UCHL5: variants seen among roughly 807,000 people sequenced by gnomAD.
The protein encoded by UCHL5 is ubiquitin carboxyl-terminal hydrolase isozyme L5.
UCHL5 carries 34 observed loss-of-function variants against 53.8 expected under a neutral mutation model. That is an observed-to-expected ratio of 0.63 (90% CI 0.48 to 0.84). The LOEUF (loss-of-function observed/expected upper bound fraction) is 0.84. Among genes scored for constraint, UCHL5 ranks in the 40% least tolerant of loss-of-function variants. UCHL5 has a pLI of 0.00. For synonymous variants in UCHL5, 111 were observed against 126.3 expected, an observed-to-expected ratio of 0.88 and a Z score of 0.81; for missense variants, 290 against 385.6, an observed-to-expected ratio of 0.75 and a Z score of 2.08.
intron 1 of UCHL5, chr1:193,057,179 G>C (rs922547700): frequency 6.6e-6 from 1 of 152,210 alleles, no homozygotes; most frequent in South Asian, 2.1e-4. Context: ...CTCTTCACTT[G>C]TAAGAGTGTT....
chr1:193,041,130 TAA>T (rs763362574), intron 3 of UCHL5, among the ~76,000 whole-genome samples: 17 of 152,296 alleles, frequency 1.1e-4, no homozygotes, highest in Admixed American at 5.2e-4. Context: ...AAAATAGCTA[TAA>T]GAGGATAATT....
chr1:193,040,713 TTAA>T (rs553041223), intron 3 of UCHL5, among the ~76,000 whole-genome samples: 64 of 152,338 alleles, frequency 4.2e-4, no homozygotes, highest in African/African-American at 1.4e-3. Flanking sequence ...TATGGCACTA[TTAA>T]TAATAGCCAA....
At position 193,021,184 on chromosome 1, in the gene UCHL5, G is replaced by A. The variant is rs1656879829; in HGVS notation, c.855C>T (p.Ile285=). The A allele has an allele frequency of 1.0e-5, 16 of 1,602,208 alleles. No individual in the cohort carries two copies. The highest frequency in any genetic ancestry group is 1.3e-5 in the Non-Finnish European group (15 of 1,171,376). The part of the protein sequence containing the change: ...QKLKRYKIEN[I]RRKHNYLPFI... ...AAGGCAGATAATTATGCTTCCTTCT[G>A]ATATTCTCAATCTGAAAATAAAACA... Residue 285 remains isoleucine, a synonymous_variant, in exon 10 of 11, where the codon ATC becomes ATT. Coordinates refer to ENST00000367454, the MANE Select transcript of UCHL5 (RefSeq NM_001199261.3).
chr1:193,051,684 A>T (rs1011486254), intron 2 of UCHL5, 70 bp downstream of exon 2: 2 of 960,604 alleles, frequency 2.1e-6, no homozygotes, highest in Non-Finnish European at 3.0e-6. Context: ...TAAACAAACA[A>T]ATCTGAATAT....
At chr1:193,054,300 C>T (rs1669984757) in intron 1 of UCHL5, among the ~76,000 whole-genome samples, 1 of 152,182 alleles carries the variant, frequency 6.6e-6, no homozygotes. Context: ...AATTTAACTG[C>T]TAGGTATGCT....
chr1:193,034,450 A>C lies in UCHL5; in HGVS notation c.247-4793T>G, dbSNP rs575761923. On this transcript the variant is annotated intron_variant, in intron 3 of 10. Coordinates refer to ENST00000367454, the MANE Select transcript of UCHL5 (RefSeq NM_001199261.3). Reference sequence around the variant, plus strand: ...CCCTTAACTACTGAAATGAAGCAGTATTTTAAAATATTCTCGCAAAGAAAA... The same window carrying C: ...CCCTTAACTACTGAAATGAAGCAGTCTTTTAAAATATTCTCGCAAAGAAAA... Among the ~76,000 whole-genome samples the C allele has an allele frequency of 2.0e-5, 3 of 152,208 alleles. No homozygotes were observed. The South Asian group carries it at 6.2e-4, about 32-fold the overall frequency.
rs1231874865 is a variant in UCHL5, at chr1:193,028,108, A to G, written c.606T>C (p.Pro202=). Residue 202 remains proline (P), a synonymous_variant, in exon 7 of 11, where the codon CCT becomes CCC. Coordinates refer to ENST00000367454, the MANE Select transcript of UCHL5 (RefSeq NM_001199261.3). ...NQDDWISAVR[P]VIEKRIQKYS... is the part of the protein sequence containing the mutation. ...ACTTTTGTATCCTTTTTTCTATGAC[A>G]GGCCTTACTGCACTGATCCAATCAT... 1.2e-6 allele frequency: 2 copies of G among 1,608,460 alleles called. No homozygotes were observed. The highest frequency in any genetic ancestry group is 2.7e-5 in the African/African-American group (2 of 74,494).
At position 193,018,599 on chromosome 1, in the gene UCHL5, C is replaced by T. The variant is rs931910631; in HGVS notation, c.943-2204G>A. 11 of 1,236,060 alleles carry T rather than the reference C, an allele frequency of 8.9e-6. No homozygotes were observed. In the African/African-American group the frequency reaches 1.4e-4, roughly 16 times the overall value. 76.6% of individuals were successfully genotyped at this position (1,236,060 alleles called of 1,614,324 possible). Reference sequence around the variant, plus strand: ...TAGGTTCTAACCAAGTTCATTATAGCCATGCCGAGGGAGAATCACTTTTTA... The same window carrying T: ...TAGGTTCTAACCAAGTTCATTATAGTCATGCCGAGGGAGAATCACTTTTTA... On this transcript the variant is annotated intron_variant, in intron 10 of 10. Transcript: ENST00000367454.
chr1:193,023,749 T>G, intron 8 of UCHL5, 95 bp downstream of exon 8: 1 of 976,852 alleles, frequency 1.0e-6, no homozygotes, highest in Non-Finnish European at 1.5e-6. Context: ...TTAGCCACCA[T>G]TCAGACCACT....
At chr1:193,033,663 TG>T (rs1372338842) in intron 3 of UCHL5, among the ~76,000 whole-genome samples, 1 of 151,890 alleles carries the variant, frequency 6.6e-6, no homozygotes, top group African/African-American at 2.4e-5. Flanking sequence ...CAAGAGAAAG[TG>T]ATACTGAAAA....
upstream of UCHL5, chr1:193,060,018 C>G: frequency 7.4e-7 from 1 of 1,357,382 alleles, no homozygotes; most frequent in Non-Finnish European, 9.8e-7. Context: ...TGGGCCCTTT[C>G]CGAAGCCGGG....
At chr1:193,036,821 A>G (rs766545971) in intron 3 of UCHL5, among the ~76,000 whole-genome samples, 17 of 152,082 alleles carry the variant, frequency 1.1e-4, no homozygotes, top group Non-Finnish European at 1.8e-4. Flanking sequence ...TCAGACCACA[A>G]TGGAATAAAA....
At chr1:193,019,595 AAC>A (rs1656154383) in intron 10 of UCHL5, among the ~76,000 whole-genome samples, 1 of 151,760 alleles carries the variant, frequency 6.6e-6, no homozygotes, top group South Asian at 2.1e-4. Context: ...AGGCAAACAC[AAC>A]AGAGTTGGTG....
intron 1 of UCHL5, chr1:193,057,188 T>C (rs1393465807): frequency 2.0e-5 from 3 of 152,262 alleles, no homozygotes; most frequent in Non-Finnish European, 4.4e-5. Context: ...TGTAAGAGTG[T>C]TTCACCAGCC....
intron 3 of UCHL5, among the ~76,000 whole-genome samples, chr1:193,038,792 T>G (rs1293470509): frequency 6.7e-6 from 1 of 149,634 alleles, no homozygotes; most frequent in Non-Finnish European, 1.5e-5. Flanking sequence ...GCCCAGGAGT[T>G]TAAGACCAGC....
intron 10 of UCHL5, 63 bp downstream of exon 10, chr1:193,021,034 A>ATT (rs1656815244): frequency 7.8e-7 from 1 of 1,283,746 alleles, no homozygotes; most frequent in African/African-American, 1.5e-5. Context: ...AAAAATAAAA[A>ATT]ATACATTTTA....
In UCHL5 at chr1:193,021,166, A is replaced by G. The variant is rs761600272; in HGVS notation, c.873T>C (p.Tyr291=). 3.7e-6 allele frequency: 6 copies of G among 1,609,074 alleles called. No individual in the cohort carries two copies. The highest frequency in any genetic ancestry group is 2.2e-5 in the East Asian group (1 of 44,722). The change falls in exon 10 of 11, where the codon TAT becomes TAC. Residue 291 remains tyrosine, a synonymous_variant. Transcript: ENST00000367454. The part of the protein sequence containing the change: ...KIENIRRKHN[Y]LPFIMELLKT... ...TTAACAATTCCATAATGAAAGGCAGATAATTATGCTTCCTTCTGATATTCT... is the reference window on the plus strand; with the variant it reads ...TTAACAATTCCATAATGAAAGGCAGGTAATTATGCTTCCTTCTGATATTCT...
chr1:193,056,994 T>C (rs1670811987), intron 1 of UCHL5, among the ~76,000 whole-genome samples: 1 of 152,238 alleles, frequency 6.6e-6, no homozygotes, highest in Admixed American at 6.5e-5. Context: ...TCTCCAAGTT[T>C]TCTGCACATA....
At chr1:193,053,641 T>C (rs1200154522) in intron 1 of UCHL5, among the ~76,000 whole-genome samples, 1 of 152,194 alleles carries the variant, frequency 6.6e-6, no homozygotes, top group Non-Finnish European at 1.5e-5. Context: ...ACCATGCATA[T>C]ATAAAACAAG....
Sources: allele counts gnomAD v4.1 joint callset (sites outside exome capture counted in the v4.1 genomes callset), GRCh38; gene constraint gnomAD v4.1.1; transcripts MANE v1.5; gene names NCBI Gene and HGNC (gene_info 2026-07-23, HGNC 2026-07-21).